SANBR: variants seen among roughly 807,000 people sequenced by gnomAD.
SANBR encodes the protein SANT and BTB domain regulator of CSR, also known as SANT and BTB domain regulator of class switch recombination.
In SANBR, 77 loss-of-function variants were observed where a neutral mutation model predicts 101.8. The observed-to-expected ratio is 0.76, with a 90% confidence interval of 0.63 to 0.91. SANBR has a LOEUF of 0.91. Among genes scored for constraint, SANBR ranks in the 40% least tolerant of loss-of-function variants. The pLI is 0.00. For synonymous variants in SANBR, 279 were observed against 274.7 expected (o/e 1.02, Z -0.15); for missense variants, 875 against 853.0 (o/e 1.03, Z -0.32).
At chr2:61,109,435 A>G (rs1683716640) in intron 16 of SANBR, 139 bp downstream of exon 16, 2 of 452,162 alleles carry the variant, frequency 4.4e-6, no homozygotes, top group Non-Finnish European at 4.0e-6. Flanking sequence ...AGGAGACACC[A>G]TCAAGATTTC....
chr2:61,069,587 C>G (rs536984144), intron 2 of SANBR: 1 of 152,438 alleles, frequency 6.6e-6, no homozygotes, highest in Middle Eastern at 3.4e-3. Flanking sequence ...TCAGCTGAAT[C>G]ATAGATATAA....
intron 11 of SANBR, chr2:61,094,169 C>A: frequency 1.6e-6 from 1 of 622,032 alleles, no homozygotes; most frequent in Non-Finnish European, 2.0e-6. Flanking sequence ...TAAAATGCAT[C>A]CTTTTTGTGA....
chr2:61,107,755 A>C (rs1339124199), intron 14 of SANBR, among the ~76,000 whole-genome samples: 7 of 152,096 alleles, frequency 4.6e-5, no homozygotes, highest in Admixed American at 3.9e-4. Flanking sequence ...GCGCAGTGGC[A>C]TGTGCCTGTA....
chr2:61,071,191 A>G (rs904348357), intron 3 of SANBR, among the ~76,000 whole-genome samples: 1 of 152,184 alleles, frequency 6.6e-6, no homozygotes, highest in Non-Finnish European at 1.5e-5. Context: ...TGCTTACAAA[A>G]AGTAATTGTT....
chr2:61,081,637 G>T (rs572501397), intron 7 of SANBR, 127 bp downstream of exon 7: 31 of 1,049,482 alleles, frequency 3.0e-5, no homozygotes, highest in Non-Finnish European at 3.6e-5. Context: ...TTAAAAAATT[G>T]TTAATTCAGG....
chr2:61,079,889 A>C (rs1314119349), intron 6 of SANBR, among the ~76,000 whole-genome samples: 1 of 149,562 alleles, frequency 6.7e-6, no homozygotes, highest in African/African-American at 2.5e-5. Context: ...ACAGAGCGAG[A>C]CTCCGTCTCA....
intron 14 of SANBR, 55 bp from the exon 15 acceptor site, chr2:61,108,262 G>T (rs750870028): frequency 2.2e-5 from 24 of 1,097,664 alleles, no homozygotes; most frequent in Admixed American, 7.0e-5. Context: ...ATCAAAATAA[G>T]GAGCTGCAAT....
At chr2:61,114,028 G>GGTACATTGATT (rs1683958148) in intron 16 of SANBR, among the ~76,000 whole-genome samples, 2 of 152,064 alleles carry the variant, frequency 1.3e-5, no homozygotes, top group Non-Finnish European at 2.9e-5. Flanking sequence ...GTATCAATTA[G>GGTACATTGATT]GTACATTGAT....
chr2:61,080,981 A>G (rs1682093009), intron 6 of SANBR, among the ~76,000 whole-genome samples: 1 of 152,094 alleles, frequency 6.6e-6, no homozygotes, highest in Non-Finnish European at 1.5e-5. Flanking sequence ...TGCCTTTAGG[A>G]AGTAAGTTTA....
At chr2:61,087,254 A>C (rs1458905330) in intron 8 of SANBR, among the ~76,000 whole-genome samples, 2 of 152,178 alleles carry the variant, frequency 1.3e-5, no homozygotes, top group South Asian at 4.1e-4. Context: ...TGCATATTCC[A>C]GTAACAAAGG....
chr2:61,088,544 G>A (rs888924285), intron 10 of SANBR, 76 bp downstream of exon 10: 1 of 975,200 alleles, frequency 1.0e-6, no homozygotes. Flanking sequence ...TTTGGAGACG[G>A]AGTCTTACTC....
chr2:61,130,358 A>C (rs1684649249), intron 20 of SANBR, among the ~76,000 whole-genome samples: 1 of 152,208 alleles, frequency 6.6e-6, no homozygotes, highest in South Asian at 2.1e-4. Context: ...CTGACTCAGA[A>C]AGAGAAAATA....
intron 6 of SANBR, among the ~76,000 whole-genome samples, chr2:61,077,990 T>C (rs1339263298): frequency 6.6e-6 from 1 of 152,256 alleles, no homozygotes; most frequent in Non-Finnish European, 1.5e-5. Flanking sequence ...TTTGGAAAAC[T>C]TAACTTGCTT....
chr2:61,106,395 A>C (rs1683568477), intron 13 of SANBR, among the ~76,000 whole-genome samples, 168 bp from the exon 14 acceptor site: 2 of 150,856 alleles, frequency 1.3e-5, no homozygotes. Flanking sequence ...CATCTCAAAA[A>C]AAAAAAAAAA....
Position 61,122,297 on chromosome 2 carries a change from A to C in SANBR, c.*135A>C. 7.7e-7 allele frequency: 1 copy of C among 1,305,778 alleles called. No individual in the cohort carries two copies. The highest frequency in any genetic ancestry group is 1.0e-6 in the Non-Finnish European group (1 of 1,000,992). 80.9% of individuals were successfully genotyped at this position (1,305,778 alleles called of 1,614,324 possible). ...ATTATTTTAATCCACATAAATCATA[A>C]TTCTAAAAGAAATGCATAGTTAGGT... is the stretch of plus-strand genomic sequence containing the variant. On this transcript the variant is annotated 3_prime_UTR_variant, in exon 22 of 22. Coordinates refer to ENST00000402291, the MANE Select transcript of SANBR (RefSeq NM_001129993.3).
At chr2:61,108,379 G>A in intron 15 of SANBR, 30 bp downstream of exon 15, 1 of 1,456,592 alleles carries the variant, frequency 6.9e-7, no homozygotes, top group Middle Eastern at 1.9e-4. Flanking sequence ...TAGCATTCAT[G>A]GATCTCTTTC....
rs1050154638 is a variant in SANBR, at chr2:61,123,685, A to G, written c.*1523A>G. 5 of 985,056 alleles carry G rather than the reference A, an allele frequency of 5.1e-6. No individual in the cohort carries two copies. The Admixed American group carries it at 1.8e-4, about 36-fold the overall frequency. The allele number at this position is 985,056 out of a possible 1,614,324, so 61.0% of individuals were successfully genotyped here. A position where few individuals can be genotyped will look rare whatever the true frequency, so the allele number is the denominator to read the frequency against. On this transcript the variant is annotated 3_prime_UTR_variant, in exon 22 of 22. Transcript: ENST00000402291. ...ACGACTAGATAAGGAAAAAATATAT[A>G]TGCTCTTTTGATTTTTAACTGATGG...
chr2:61,132,858 G>A (rs1684728070), intron 20 of SANBR, among the ~76,000 whole-genome samples: 1 of 152,202 alleles, frequency 6.6e-6, no homozygotes, highest in Non-Finnish European at 1.5e-5. Context: ...ATTTTGCTAA[G>A]TGAAAGAAGC....
At chr2:61,076,887 A>G (rs199698462) in intron 5 of SANBR, 33 bp from the exon 6 acceptor site, 1 of 1,482,906 alleles carries the variant, frequency 6.7e-7, no homozygotes, top group Non-Finnish European at 9.4e-7. Flanking sequence ...TAAAACTCTA[A>G]TAATTTCATT....
Sources: allele counts gnomAD v4.1 joint callset (sites outside exome capture counted in the v4.1 genomes callset), GRCh38; gene constraint gnomAD v4.1.1; transcripts MANE v1.5; gene names NCBI Gene and HGNC (gene_info 2026-07-23, HGNC 2026-07-21).